POM121: variants seen among roughly 807,000 people sequenced by gnomAD.
POM121 encodes the protein nuclear envelope pore membrane protein POM 121.
In POM121, 32 loss-of-function variants were observed where a neutral mutation model predicts 81.3. The ratio of observed to expected loss-of-function variants is 0.39; its 90% CI spans 0.30 to 0.53. The LOEUF (loss-of-function observed/expected upper bound fraction) is 0.53. Among genes scored for constraint, POM121 ranks in the 20% least tolerant of loss-of-function variants. POM121 has a pLI of 0.66. For missense variants in POM121, 1,138 were observed against 1,614.6 expected, an observed-to-expected ratio of 0.70 and a Z score of 5.06; for synonymous variants, 514 against 694.2, an observed-to-expected ratio of 0.74 and a Z score of 4.08.
intron 3 of POM121, among the ~76,000 whole-genome samples, chr7:72,893,613 C>T (rs377213400): frequency 2.0e-5 from 3 of 152,244 alleles, no homozygotes; most frequent in East Asian, 1.9e-4. Context: ...TACGATTTAC[C>T]GTCTTAACCA....
rs1395316336 is a variant in POM121 at position 72,894,533 on chromosome 7, G to A, written c.-216+3423G>A. On this transcript the variant is annotated intron_variant, in intron 3 of 15. Transcript: ENST00000395270. ...GCGGAGGTTGCAGTGAGCTGAGATC[G>A]TGCCATTGCACTCCAGCCTGGGCAA... is the stretch of plus-strand genomic sequence containing the variant. Among the ~76,000 whole-genome samples, 16 of 151,098 alleles carry A rather than the reference G, an allele frequency of 1.1e-4. No homozygotes were observed. The South Asian group carries it at 2.9e-3, about 28-fold the overall frequency.
upstream of POM121, chr7:72,924,932 G>T: frequency 9.4e-7 from 1 of 1,067,596 alleles, no homozygotes; most frequent in Non-Finnish European, 1.2e-6. Context: ...GAGCCACGCG[G>T]AAAACCTCAA....
intron 3 of POM121, among the ~76,000 whole-genome samples, chr7:72,894,100 C>T (rs1331275934): frequency 1.3e-5 from 2 of 151,668 alleles, no homozygotes; most frequent in African/African-American, 4.8e-5. Context: ...AATGAGACTA[C>T]GAAAAATACA....
At chr7:72,905,771 A>G (rs1240320939) in intron 3 of POM121, among the ~76,000 whole-genome samples, 2 of 152,206 alleles carry the variant, frequency 1.3e-5, no homozygotes, top group Admixed American at 6.5e-5. Context: ...AAGAATGTGT[A>G]CCCTGCTATT....
chr7:72,913,609 G>A (rs1794014105), intron 3 of POM121, among the ~76,000 whole-genome samples: 2 of 152,230 alleles, frequency 1.3e-5, no homozygotes, highest in Non-Finnish European at 1.5e-5. Context: ...TAGAAGACAC[G>A]ACCCAGAGCA....
chr7:72,937,887 A>G (rs1796666438), intron 5 of POM121, among the ~76,000 whole-genome samples: 1 of 152,250 alleles, frequency 6.6e-6, no homozygotes, highest in Non-Finnish European at 1.5e-5. Flanking sequence ...TCGTTGTTGC[A>G]AAAGTCATAA....
chr7:72,948,657 C>A (rs1184742822), downstream of POM121: 12 of 1,603,968 alleles, frequency 7.5e-6, no homozygotes, highest in Admixed American at 1.7e-5. Flanking sequence ...AGCATGCCCC[C>A]ACTCACTCAC....
At chr7:72,944,750 C>T (rs1563174461) in intron 11 of POM121, among the ~76,000 whole-genome samples, 2 of 151,410 alleles carry the variant, frequency 1.3e-5, no homozygotes, top group Non-Finnish European at 2.9e-5. Context: ...GGAGCCGGAG[C>T]AGTTGTGGTG....
chr7:72,926,646 C>T lies in POM121; in HGVS notation c.861-156C>T, dbSNP rs575249125. ...TTTGTTTTTCACTTTTTGCTCTTAACGAAAAAGTAGCTTTACTTGCTAACG... is the reference window on the plus strand; with the variant it reads ...TTTGTTTTTCACTTTTTGCTCTTAATGAAAAAGTAGCTTTACTTGCTAACG... On this transcript the variant is annotated intron_variant, in intron 2 of 12. Coordinates refer to ENST00000434423, the MANE Select transcript of POM121 (RefSeq NM_001387691.1). 4.6e-5 allele frequency among the ~76,000 whole-genome samples: 7 copies of T among 152,236 alleles called. No individual in the cohort carries two copies. In the South Asian group the frequency reaches 1.0e-3, roughly 23 times the overall value.
intron 1 of POM121, among the ~76,000 whole-genome samples, chr7:72,880,649 G>A (rs1790047999): frequency 6.6e-6 from 1 of 151,940 alleles, no homozygotes; most frequent in Non-Finnish European, 1.5e-5. Flanking sequence ...AGCACTTTGC[G>A]GGGCTAGGGC....
At chr7:72,914,018 CAATA>C (rs1794060254) in intron 4 of POM121, among the ~76,000 whole-genome samples, 1 of 152,132 alleles carries the variant, frequency 6.6e-6, no homozygotes, top group African/African-American at 2.4e-5. Context: ...TTGCCCTGAC[CAATA>C]AATAAAGTAG....
chr7:72,901,010 G>A (rs1396991188), intron 3 of POM121, among the ~76,000 whole-genome samples: 12 of 150,900 alleles, frequency 8.0e-5, no homozygotes, highest in African/African-American at 2.9e-4. Flanking sequence ...TTAAGAGATG[G>A]CATCTCCCTT....
intron 7 of POM121, among the ~76,000 whole-genome samples, 159 bp downstream of exon 7, chr7:72,939,568 G>T (rs1322978826): frequency 6.6e-6 from 1 of 152,222 alleles, no homozygotes; most frequent in Non-Finnish European, 1.5e-5. Context: ...GAAGTTTATA[G>T]TCTGATGAGG....
At chr7:72,883,282 C>T (rs1427113253) in intron 1 of POM121, among the ~76,000 whole-genome samples, 7 of 152,192 alleles carry the variant, frequency 4.6e-5, no homozygotes, top group Admixed American at 2.0e-4. Flanking sequence ...GCAGTCTGCC[C>T]GCCTCGGCGT....
intron 3 of POM121, among the ~76,000 whole-genome samples, chr7:72,912,725 G>T (rs538823030): frequency 1.3e-5 from 2 of 152,282 alleles, no homozygotes; most frequent in African/African-American, 4.8e-5. Flanking sequence ...GTTGCAGTGA[G>T]CCGAGATCGC....
At chr7:72,889,099 A>G (rs1554490487) in intron 1 of POM121, among the ~76,000 whole-genome samples, 1 of 152,174 alleles carries the variant, frequency 6.6e-6, no homozygotes, top group African/African-American at 2.4e-5. Context: ...TGGTATTGAC[A>G]TGTAATTTTA....
chr7:72,915,285 T>A (rs1794188554), intron 4 of POM121, among the ~76,000 whole-genome samples: 1 of 152,150 alleles, frequency 6.6e-6, no homozygotes, highest in Non-Finnish European at 1.5e-5. Flanking sequence ...CTCTGCGTCA[T>A]GAGTATGTCA....
chr7:72,937,072 TG>T (rs1554499662), intron 5 of POM121, among the ~76,000 whole-genome samples: 1 of 151,984 alleles, frequency 6.6e-6, no homozygotes. Flanking sequence ...CTGGCCAACA[TG>T]GTGAAACCCT....
At chr7:72,933,259 CAGG>C (rs1450044000) in intron 5 of POM121, among the ~76,000 whole-genome samples, 12 of 151,528 alleles carry the variant, frequency 7.9e-5, no homozygotes, top group East Asian at 2.0e-4. Context: ...GAGGCTGAGG[CAGG>C]AGAACTGCTT....
Sources: gnomAD v4.1 joint callset for allele counts (sites outside exome capture counted in the v4.1 genomes callset) on GRCh38, gnomAD v4.1.1 for gene constraint, MANE v1.5 for transcripts, NCBI Gene and HGNC (gene_info 2026-07-23, HGNC 2026-07-21) for gene names.